Variants in ATG7 observed in about 807,000 individuals in gnomAD.
ATG7 encodes ubiquitin-like modifier-activating enzyme ATG7.
ATG7 carries 70 observed loss-of-function variants against 82.4 expected under a neutral mutation model. That is an observed-to-expected ratio of 0.85 (90% CI 0.70 to 1.04). The LOEUF (loss-of-function observed/expected upper bound fraction) is 1.04, where lower values mean the gene tolerates loss of function less well. ATG7 is among the 50% of genes least tolerant of loss of function. The pLI is 0.00. For synonymous variants in ATG7, 287 were observed against 313.0 expected (o/e 0.92, Z 0.88); for missense variants, 792 against 864.3 (o/e 0.92, Z 1.05).
At chr3:11,526,377 G>T (rs1311403967) in intron 20 of ATG7, among the ~76,000 whole-genome samples, 2 of 152,122 alleles carry the variant, frequency 1.3e-5, no homozygotes, top group Non-Finnish European at 2.9e-5. Context: ...AGGTGGCAGA[G>T]TGAGACTCAA....
At chr3:11,552,636 G>T (rs1330078441) in intron 20 of ATG7, among the ~76,000 whole-genome samples, 1 of 152,130 alleles carries the variant, frequency 6.6e-6, no homozygotes, top group Admixed American at 6.5e-5. Context: ...CCAGAGATTC[G>T]CTCTGGAAAA....
intron 20 of ATG7, among the ~76,000 whole-genome samples, chr3:11,461,099 C>T (rs1353765327): frequency 2.0e-5 from 3 of 152,116 alleles, no homozygotes; most frequent in African/African-American, 7.2e-5. Flanking sequence ...GTGGCAAAGA[C>T]CTTTAGGGAA....
At chr3:11,433,334 A>G (rs982570590) in intron 20 of ATG7, among the ~76,000 whole-genome samples, 20 of 151,010 alleles carry the variant, frequency 1.3e-4, no homozygotes, top group African/African-American at 4.6e-4. Flanking sequence ...TGTTGAAGAA[A>G]TGCTCAGTCT....
intron 20 of ATG7, among the ~76,000 whole-genome samples, chr3:11,551,033 C>T (rs1169016675): frequency 6.6e-6 from 1 of 152,106 alleles, no homozygotes; most frequent in Non-Finnish European, 1.5e-5. Context: ...CTCTACTTCT[C>T]TTCATATCAG....
intron 3 of ATG7, among the ~76,000 whole-genome samples, chr3:11,295,940 A>T (rs1457288093): frequency 2.0e-5 from 3 of 151,926 alleles, no homozygotes. Context: ...CACCACACCC[A>T]GCTAATTTTG....
At chr3:11,379,552 C>T (rs1219039425) in intron 18 of ATG7, among the ~76,000 whole-genome samples, 2 of 152,152 alleles carry the variant, frequency 1.3e-5, no homozygotes, top group African/African-American at 4.8e-5. Flanking sequence ...TTGTGAGACC[C>T]CACCCAAAAT....
At chr3:11,467,935 A>C (rs2087006323) in intron 20 of ATG7, among the ~76,000 whole-genome samples, 1 of 152,188 alleles carries the variant, frequency 6.6e-6, no homozygotes, top group Non-Finnish European at 1.5e-5. Context: ...CCCCAGTGTC[A>C]TGGCTAAATT....
intron 20 of ATG7, among the ~76,000 whole-genome samples, chr3:11,468,539 G>C (rs920950324): frequency 1.3e-5 from 2 of 152,186 alleles, no homozygotes; most frequent in African/African-American, 4.8e-5. Flanking sequence ...GTCAGTGTTT[G>C]GGCTCTGGAT....
chr3:11,364,602 C>A, intron 17 of ATG7, 57 bp from the exon 18 acceptor site: 1 of 1,556,412 alleles, frequency 6.4e-7, no homozygotes, highest in Non-Finnish European at 8.9e-7. Context: ...GCTAGATCAT[C>A]CTCCCATGTG....
chr3:11,364,582 G>C, intron 17 of ATG7, 77 bp from the exon 18 acceptor site: 1 of 1,498,804 alleles, frequency 6.7e-7, no homozygotes, highest in South Asian at 1.1e-5. Flanking sequence ...TGAATCTTAT[G>C]TAGATTTCTG....
chr3:11,566,734 G>A, the ATG7 span, among the ~76,000 whole-genome samples: 15 of 151,880 alleles, frequency 9.9e-5, no homozygotes, highest in Non-Finnish European at 7.4e-5. Flanking sequence ...ATCCCAAGGC[G>A]CCCCGTGCAA....
At chr3:11,273,157 C>T (rs941917011) in intron 1 of ATG7, among the ~76,000 whole-genome samples, 1 of 152,196 alleles carries the variant, frequency 6.6e-6, no homozygotes, top group Non-Finnish European at 1.5e-5. Context: ...GTAATTCTGG[C>T]GTTTAAAAAC....
chr3:11,289,292 T>TC (rs1383105634), intron 3 of ATG7, among the ~76,000 whole-genome samples: 4 of 152,086 alleles, frequency 2.6e-5, no homozygotes, highest in Admixed American at 2.0e-4. Context: ...ATGACTCACT[T>TC]CCCCCCAAAT....
chr3:11,387,554 GT>G (rs1425390376), intron 19 of ATG7, among the ~76,000 whole-genome samples: 4 of 152,112 alleles, frequency 2.6e-5, no homozygotes, highest in African/African-American at 9.7e-5. Context: ...GAAAAATTGG[GT>G]TCCTTTTAGT....
intron 20 of ATG7, among the ~76,000 whole-genome samples, chr3:11,534,791 T>C (rs55924007): frequency 0.018 from 2,705 of 152,314 alleles, 41 homozygotes; most frequent in Non-Finnish European, 0.023. Context: ...TCGAGGCACC[T>C]GGCCACTTTG....
rs574523805 is a variant in ATG7, at chr3:11,519,539, G to GTT, written c.2080-35235_2080-35234dup. Reference sequence around the variant, plus strand: ...TCATGAAAGGCAGGCAGTGAGAGGAGTTTTTTTTTTTTTTTTTTTTTTTTT... The same window carrying GTT: ...TCATGAAAGGCAGGCAGTGAGAGGAGTTTTTTTTTTTTTTTTTTTTTTTTTTT... On this transcript the variant is annotated intron_variant, in intron 20 of 20. Transcript: ENST00000693202. Among the ~76,000 whole-genome samples the GTT allele has an allele frequency of 1.0e-3, 62 of 62,210 alleles. 22 individuals carry two copies. The highest frequency in any genetic ancestry group is 1.8e-3 in the Non-Finnish European group (53 of 30,044). 40.8% of individuals were successfully genotyped at this position (62,210 alleles called of 152,430 possible).
At chr3:11,439,154 C>T (rs997466074) in intron 20 of ATG7, among the ~76,000 whole-genome samples, 2 of 150,458 alleles carry the variant, frequency 1.3e-5, no homozygotes, top group East Asian at 3.9e-4. Flanking sequence ...CTGCAACCTC[C>T]GTCTCCCAGG....
chr3:11,367,151 C>G (rs1015611806), intron 18 of ATG7, among the ~76,000 whole-genome samples: 1 of 152,030 alleles, frequency 6.6e-6, no homozygotes, highest in Non-Finnish European at 1.5e-5. Context: ...TTTTTTCCCC[C>G]TAAGTGGAGT....
At chr3:11,440,621 G>A (rs1355813838) in intron 20 of ATG7, among the ~76,000 whole-genome samples, 6 of 143,892 alleles carry the variant, frequency 4.2e-5, no homozygotes, top group East Asian at 2.2e-4. Flanking sequence ...ACCGCGCCCG[G>A]CCTTTACTCT....
Sources: allele counts gnomAD v4.1 joint callset (sites outside exome capture counted in the v4.1 genomes callset), GRCh38; gene constraint gnomAD v4.1.1; transcripts MANE v1.5; gene names NCBI Gene and HGNC (gene_info 2026-07-23, HGNC 2026-07-21).